The following PSMA1 variants were observed in gnomAD, a reference collection of about 807,000 sequenced individuals.
PSMA1 encodes the protein proteasome subunit alpha type-1.
A neutral mutation model predicts 38.4 loss-of-function variants in PSMA1; 3 were observed. That is an observed-to-expected ratio of 0.08 (90% CI 0.04 to 0.20). PSMA1 has a LOEUF of 0.20. Among genes scored for constraint, PSMA1 ranks in the 10% least tolerant of loss-of-function variants. The pLI, the probability that PSMA1 is intolerant of heterozygous loss-of-function variation, is 1.00. For synonymous variants in PSMA1, 101 were observed against 107.1 expected, an observed-to-expected ratio of 0.94 and a Z score of 0.35; for missense variants, 227 against 325.3, an observed-to-expected ratio of 0.70 and a Z score of 2.32.
intron 1 of PSMA1, among the ~76,000 whole-genome samples, chr11:14,618,844 A>T (rs1852806741): frequency 6.6e-6 from 1 of 152,246 alleles, no homozygotes; most frequent in South Asian, 2.1e-4. Context: ...GTATGATTTT[A>T]CAGTTTATAA....
chr11:14,511,517 G>C (rs1353540585), intron 7 of PSMA1, among the ~76,000 whole-genome samples: 1 of 149,852 alleles, frequency 6.7e-6, no homozygotes, highest in East Asian at 2.0e-4. Flanking sequence ...CTGAAAGTCA[G>C]TGTAATTTTC....
At chr11:14,619,684 G>A (rs1253382951) in intron 1 of PSMA1, among the ~76,000 whole-genome samples, 1 of 152,118 alleles carries the variant, frequency 6.6e-6, no homozygotes, top group Non-Finnish European at 1.5e-5. Flanking sequence ...CAAGAGTTGT[G>A]ATGTCTAACG....
chr11:14,605,162 C>T (rs145921263), intron 2 of PSMA1, among the ~76,000 whole-genome samples: 1 of 152,280 alleles, frequency 6.6e-6, no homozygotes, highest in African/African-American at 2.4e-5. Flanking sequence ...ATTCGCATTC[C>T]CATCAACAGT....
intron 2 of PSMA1, among the ~76,000 whole-genome samples, chr11:14,583,437 GGT>G (rs200925281): frequency 0.018 from 2,813 of 152,318 alleles, 82 homozygotes; most frequent in African/African-American, 0.065. Context: ...CATTCCAGAT[GGT>G]GGCGTTCAGA....
chr11:14,638,621 C>A (rs1245816788), intron 1 of PSMA1, among the ~76,000 whole-genome samples: 4 of 52,966 alleles, frequency 7.6e-5, no homozygotes, highest in Non-Finnish European at 1.5e-4. Context: ...TTTTTTGGTG[C>A]GCTCTGCTTG....
Position 14,557,436 on chromosome 11 carries a change from G to C in PSMA1, c.22-38395C>G, listed in dbSNP as rs1851953020. On this transcript the variant is annotated intron_variant, in intron 2 of 10. Transcript: ENST00000418988. ...TTTTTGTATTTTTAGTAGAAACGGG[G>C]TTTCACCATGTTGGCCAGGATGGTC... Among the ~76,000 whole-genome samples the C allele has an allele frequency of 2.0e-5, 3 of 152,016 alleles. No individual in the cohort carries two copies. In the South Asian group the frequency reaches 6.2e-4, roughly 32 times the overall value.
chr11:14,614,934 C>A (rs1368289167), intron 1 of PSMA1, among the ~76,000 whole-genome samples: 1 of 152,146 alleles, frequency 6.6e-6, no homozygotes, highest in African/African-American at 2.4e-5. Flanking sequence ...AGTTTCTGAG[C>A]GGATCCTCAT....
intron 5 of PSMA1, 140 bp from the exon 6 acceptor site, chr11:14,514,027 A>T: frequency 7.4e-7 from 1 of 1,350,056 alleles, no homozygotes; most frequent in East Asian, 2.9e-5. Flanking sequence ...ATAGGACACT[A>T]TTTCTTTGGC....
At chr11:14,636,920 A>G (rs1853119207) in intron 1 of PSMA1, among the ~76,000 whole-genome samples, 1 of 152,220 alleles carries the variant, frequency 6.6e-6, no homozygotes, top group Admixed American at 6.5e-5. Flanking sequence ...TTGGCCAATT[A>G]TAATGGTTTC....
At chr11:14,629,599 T>C (rs947765998) in intron 1 of PSMA1, among the ~76,000 whole-genome samples, 7 of 152,280 alleles carry the variant, frequency 4.6e-5, no homozygotes, top group Admixed American at 1.3e-4. Flanking sequence ...AGTCAGGTAG[T>C]GTGATGCCTC....
At chr11:14,529,984 A>C (rs1377621531) in intron 2 of PSMA1, among the ~76,000 whole-genome samples, 1 of 152,188 alleles carries the variant, frequency 6.6e-6, no homozygotes, top group Non-Finnish European at 1.5e-5. Context: ...AGCTCCATGA[A>C]GCGGGGAATT....
rs1851679999 is a variant in PSMA1, at chr11:14,534,248, C to T, written c.22-15207G>A. ...AAAATTAATATCTCAAAATAAACTG[C>T]CACAAAAAATTTGTATCAAATTATA... is the stretch of plus-strand genomic sequence containing the variant. On this transcript the variant is annotated intron_variant, in intron 2 of 10. Transcript: ENST00000418988. The surrounding 1 kb of genome is among the most constrained non-coding windows in gnomAD (Gnocchi z 4.5). Among the ~76,000 whole-genome samples, 2 of 151,970 alleles carry T rather than the reference C, an allele frequency of 1.3e-5. No homozygotes were observed. Among genetic ancestry groups the T allele is most frequent in the Non-Finnish European group, 2.9e-5 (2 of 67,982 alleles).
chr11:14,542,341 C>T (rs1157159185), intron 2 of PSMA1, among the ~76,000 whole-genome samples: 1 of 152,118 alleles, frequency 6.6e-6, no homozygotes, highest in Non-Finnish European at 1.5e-5. Flanking sequence ...CATTTGGGGG[C>T]ATCTGTAACC....
intron 2 of PSMA1, among the ~76,000 whole-genome samples, chr11:14,553,307 A>G (rs182605161): frequency 5.4e-4 from 83 of 152,298 alleles, no homozygotes; most frequent in Middle Eastern, 3.4e-3. Context: ...GGTACAATCC[A>G]TTGAATTTAT....
intron 1 of PSMA1, among the ~76,000 whole-genome samples, chr11:14,634,467 C>T (rs1183592663): frequency 2.0e-5 from 3 of 150,284 alleles, no homozygotes; most frequent in East Asian, 1.9e-4. Flanking sequence ...TTTTTGAAGG[C>T]GAAGATTCCA....
intron 1 of PSMA1, among the ~76,000 whole-genome samples, chr11:14,618,998 G>A (rs1852808522): frequency 6.6e-6 from 1 of 152,106 alleles, no homozygotes; most frequent in Non-Finnish European, 1.5e-5. Flanking sequence ...CAGCCATTGT[G>A]CATTCATTCA....
chr11:14,579,670 T>C (rs1444134400), intron 2 of PSMA1, among the ~76,000 whole-genome samples: 1 of 152,114 alleles, frequency 6.6e-6, no homozygotes, highest in Non-Finnish European at 1.5e-5. Flanking sequence ...ATGTCTTGAT[T>C]AGAGTTTCCA....
chr11:14,541,771 AT>A (rs1464115214), intron 2 of PSMA1, among the ~76,000 whole-genome samples: 1 of 152,188 alleles, frequency 6.6e-6, no homozygotes, highest in African/African-American at 2.4e-5. Flanking sequence ...GGCATGGAAA[AT>A]TTGCAAACAC....
In PSMA1 at chr11:14,534,758, T is replaced by C. The variant is rs189024402; in HGVS notation, c.22-15717A>G. On this transcript the variant is annotated intron_variant, in intron 2 of 10. Transcript: ENST00000418988. This position sits in a 1 kb window ranked among gnomAD's most constrained non-coding sequence, Gnocchi z 4.5. ...TATATACATCGTGTGTACATATGCA[T>C]ATTTAAAAAAATTAAAAAAACAAAC... 1.3e-3 allele frequency among the ~76,000 whole-genome samples: 194 copies of C among 143,766 alleles called. 1 individual carries two copies. The Middle Eastern group carries it at 0.022, about 16-fold the overall frequency. The allele number at this position is 143,766 out of a possible 152,430, so 94.3% of individuals were successfully genotyped here. A position where few individuals can be genotyped will look rare whatever the true frequency, so the allele number is the denominator to read the frequency against.
Sources: gnomAD v4.1 joint callset for allele counts (sites outside exome capture counted in the v4.1 genomes callset) on GRCh38, gnomAD v4.1.1 for gene constraint, Gnocchi (gnomAD v3.1) non-coding constraint, MANE v1.5 for transcripts, NCBI Gene and HGNC (gene_info 2026-07-23, HGNC 2026-07-21) for gene names.